DKK3: variants seen among roughly 807,000 people sequenced by gnomAD.
DKK3 encodes dickkopf Wnt signaling pathway inhibitor 3, also known as dickkopf-related protein 3.
Under a neutral mutation model 33.2 loss-of-function variants are expected in DKK3, and 22 were observed. The ratio of observed to expected loss-of-function variants is 0.66; its 90% CI spans 0.47 to 0.95. DKK3 has a LOEUF of 0.95. Ranked by LOEUF, DKK3 falls within the 40% of genes least tolerant of loss-of-function variation. The pLI is 0.00. For synonymous variants in DKK3, 194 were observed against 188.8 expected (o/e 1.03, Z -0.23); for missense variants, 398 against 458.4 (o/e 0.87, Z 1.20).
At position 12,008,498 on chromosome 11, in the gene DKK3, A is replaced by G. The variant is rs1455842319; in HGVS notation, c.85T>C (p.Ser29Pro). Reference sequence around the variant, plus strand: ...GCCGGGCCGGGCTTGACTGGAGCCGAGGTCGCCGTCGGAGCGGGCGCGGGG... The same window carrying G: ...GCCGGGCCGGGCTTGACTGGAGCCGGGGTCGCCGTCGGAGCGGGCGCGGGG... ...TAPAPAPTAT[S>P]APVKPGPALS... Residue 29 changes from serine to proline, a missense_variant, in exon 1 of 7, where the codon TCG becomes CCG. Coordinates refer to ENST00000683431, the MANE Select transcript of DKK3 (RefSeq NM_001018057.2). The surrounding 1 kb of genome is among the most constrained non-coding windows in gnomAD (Gnocchi z 4.6). 1 of 1,598,020 alleles carries G rather than the reference A, an allele frequency of 6.3e-7. No homozygotes were observed. Among genetic ancestry groups the G allele is most frequent in the South Asian group, 1.1e-5 (1 of 89,896 alleles).
At chr11:11,977,559 C>G (rs1847859438) in intron 3 of DKK3, among the ~76,000 whole-genome samples, 1 of 152,218 alleles carries the variant, frequency 6.6e-6, no homozygotes, top group African/African-American at 2.4e-5. Context: ...GGGTTGGCAG[C>G]CGTTGGGAGA....
At chr11:11,991,211 G>C (rs1156492122) in intron 3 of DKK3, among the ~76,000 whole-genome samples, 1 of 152,204 alleles carries the variant, frequency 6.6e-6, no homozygotes, top group Non-Finnish European at 1.5e-5. Context: ...AGCTAGCTCT[G>C]TTTTTCAAGG....
At position 11,991,994 on chromosome 11, in the gene DKK3, A is replaced by C. The variant is rs551542346; in HGVS notation, c.435+6702T>G. On this transcript the variant is annotated intron_variant, in intron 3 of 6. Coordinates refer to ENST00000683431, the MANE Select transcript of DKK3 (RefSeq NM_001018057.2). ...AATGACTTGTTTATTTTTTTTGTCC[A>C]CTATAGCCTGGATGCTTCTCCGATG... is the stretch of plus-strand genomic sequence containing the variant. Among the ~76,000 whole-genome samples the C allele has an allele frequency of 3.7e-4, 56 of 152,188 alleles. 1 individual carries two copies. Among genetic ancestry groups the C allele is most frequent in the Middle Eastern group, 3.4e-3 (1 of 292 alleles).
Position 12,008,546 on chromosome 11 carries a change from G to A in DKK3, c.37C>T (p.Leu13=). 1.3e-6 allele frequency: 2 copies of A among 1,543,180 alleles called. No individual in the cohort carries two copies. Among genetic ancestry groups the A allele is most frequent in the South Asian group, 1.2e-5 (1 of 85,178 alleles). Residue 13 remains leucine (L), a synonymous_variant, in exon 1 of 7, where the codon CTG becomes TTG. Coordinates refer to ENST00000683431, the MANE Select transcript of DKK3 (RefSeq NM_001018057.2). This position sits in a 1 kb window ranked among gnomAD's most constrained non-coding sequence, Gnocchi z 4.6. ...RLGATLLCLL[L]AAAVPTAPAP... is the part of the protein sequence containing the mutation. The stretch of plus-strand genomic sequence containing the variant: ...GGGGCCGTGGGGACCGCCGCCGCCA[G>A]CAGCAGGCACAGCAGGGTGGCCCCA...
rs1004727219 is a variant in DKK3, at chr11:12,008,286, G to A, written c.213+84C>T. 9 of 1,478,434 alleles carry A rather than the reference G, an allele frequency of 6.1e-6. No homozygotes were observed. In the African/African-American group the frequency reaches 9.8e-5, roughly 16 times the overall value. The allele number at this position is 1,478,434 out of a possible 1,614,324, so 91.6% of individuals were successfully genotyped here. Reference sequence around the variant, plus strand: ...CCCTGCGCGGGACCCGAGGTCCCTGGCCAGCGCTCTTCCATGCCTTCCCAG... The same window carrying A: ...CCCTGCGCGGGACCCGAGGTCCCTGACCAGCGCTCTTCCATGCCTTCCCAG... On this transcript the variant is annotated intron_variant, in intron 1 of 6. Transcript: ENST00000683431. This position sits in a 1 kb window ranked among gnomAD's most constrained non-coding sequence, Gnocchi z 4.6.
At chr11:11,979,679 G>C (rs1253716589) in intron 3 of DKK3, 2 of 152,378 alleles carry the variant, frequency 1.3e-5, no homozygotes, top group African/African-American at 4.8e-5. Flanking sequence ...CTCCCACCAA[G>C]TCATACCTCA....
upstream of DKK3, chr11:12,009,213 C>G (rs1442374373): frequency 1.0e-6 from 1 of 985,128 alleles, no homozygotes; most frequent in Non-Finnish European, 1.2e-6. Context: ...ACTGGATCTG[C>G]TCGCTCCCGC....
chr11:11,968,783 G>A (rs1470396014), intron 3 of DKK3: 7 of 290,316 alleles, frequency 2.4e-5, no homozygotes, highest in Admixed American at 1.0e-4. Flanking sequence ...GGGAGCACAG[G>A]GACTCAGGGC....
intron 4 of DKK3, 49 bp from the exon 5 acceptor site, chr11:11,967,147 G>A (rs756751989): frequency 1.3e-6 from 2 of 1,594,920 alleles, no homozygotes; most frequent in Non-Finnish European, 1.7e-6. Flanking sequence ...GGGACTGGGG[G>A]CCTGCTGAGA....
chr11:12,003,195 C>T (rs2133332954), intron 1 of DKK3, among the ~76,000 whole-genome samples: 1 of 152,266 alleles, frequency 6.6e-6, no homozygotes, highest in African/African-American at 2.4e-5. Flanking sequence ...GCTCTTAAGT[C>T]CTTGTGGCAG....
In DKK3 at chr11:12,008,394, G is replaced by T; in HGVS notation, c.189C>A (p.His63Gln). Reference sequence around the variant, plus strand: ...CCTCTTCCACCGCGCTGCGCAATTTGTGCTGCGTGTCCTCCATCAGTTCCT... The same window carrying T: ...CCTCTTCCACCGCGCTGCGCAATTTTTGCTGCGTGTCCTCCATCAGTTCCT... ...EVEELMEDTQ[H>Q]KLRSAVEEME... Residue 63 changes from histidine to glutamine, a missense_variant, in exon 1 of 7, where the codon CAC (histidine) becomes CAA (glutamine). His to Gln is a conservative substitution (Grantham distance 24). Transcript: ENST00000683431. This position sits in a 1 kb window ranked among gnomAD's most constrained non-coding sequence, Gnocchi z 4.6. 1 of 1,607,730 alleles carries T rather than the reference G, an allele frequency of 6.2e-7. No individual in the cohort carries two copies.
intron 3 of DKK3, chr11:11,979,946 T>G (rs895210963): frequency 7.2e-5 from 11 of 152,252 alleles, no homozygotes; most frequent in African/African-American, 2.7e-4. Flanking sequence ...AGCCCGCATC[T>G]GTGATTCTGA....
Position 12,000,180 on chromosome 11 carries a change from T to TTTTG in DKK3, c.352-1405_352-1402dup, listed in dbSNP as rs55683428. ...TGAAGCATTGCATAAGACTAGTGTT[T>TTTTG]TTTGTTTGTTTGTTTGTTTGTTTGT... On this transcript the variant is annotated intron_variant, in intron 2 of 6. Coordinates refer to ENST00000683431, the MANE Select transcript of DKK3 (RefSeq NM_001018057.2). Among the ~76,000 whole-genome samples, 358 of 151,404 alleles carry TTTTG rather than the reference T, an allele frequency of 2.4e-3. 2 individuals carry two copies. The highest frequency in any genetic ancestry group is 5.8e-3 in the African/African-American group (238 of 41,240).
At chr11:12,001,125 CAACCAAACCTGTTGGTT>C (rs1393006249) in intron 2 of DKK3, among the ~76,000 whole-genome samples, 4 of 152,206 alleles carry the variant, frequency 2.6e-5, no homozygotes, top group African/African-American at 7.2e-5. Context: ...CTTTAAGAAG[CAACCAAACCTGTTGGTT>C]AATTATTGTC....
chr11:11,968,482 G>A lies in DKK3; in HGVS notation c.441C>T (p.Cys147=). Residue 147 remains cysteine (C), a synonymous_variant, in exon 4 of 7, where the codon TGC becomes TGT. Coordinates refer to ENST00000683431, the MANE Select transcript of DKK3 (RefSeq NM_001018057.2). ...TGGGCCCACAGTCCTCGTCGATGAT[G>A]CACTCCTGGGGAAGGGCACAGGGAG... The part of the protein sequence containing the change: ...GDEEGRRSHE[C]IIDEDCGPSM... 1.2e-6 allele frequency: 2 copies of A among 1,612,996 alleles called. No homozygotes were observed. Among genetic ancestry groups the A allele is most frequent in the Admixed American group, 1.7e-5 (1 of 59,916 alleles).
At chr11:11,965,566 T>C (rs1047028001) in intron 6 of DKK3, among the ~76,000 whole-genome samples, 18 of 152,266 alleles carry the variant, frequency 1.2e-4, no homozygotes, top group Admixed American at 7.8e-4. Context: ...CATCCACTCA[T>C]GAAGCTTCAG....
At chr11:11,978,429 TTCTTCTTCC>T (rs939547251) in intron 3 of DKK3, among the ~76,000 whole-genome samples, 37 of 140,636 alleles carry the variant, frequency 2.6e-4, no homozygotes, top group African/African-American at 1.2e-3. Context: ...CCTCTTCCTC[TTCTTCTTCC>T]TCTTCCTCTT....
chr11:11,986,511 C>T (rs1455884768), intron 3 of DKK3, among the ~76,000 whole-genome samples: 2 of 152,130 alleles, frequency 1.3e-5, no homozygotes, highest in African/African-American at 2.4e-5. Flanking sequence ...AGAGGAAAAC[C>T]ATACAGTTGT....
At chr11:11,971,200 A>G (rs1847718702) in intron 3 of DKK3, among the ~76,000 whole-genome samples, 1 of 152,224 alleles carries the variant, frequency 6.6e-6, no homozygotes, top group Non-Finnish European at 1.5e-5. Flanking sequence ...TATATTATTT[A>G]TAATCCAGAA....
Sources: gnomAD v4.1 joint callset for allele counts (sites outside exome capture counted in the v4.1 genomes callset) on GRCh38, gnomAD v4.1.1 for gene constraint, Gnocchi (gnomAD v3.1) non-coding constraint, MANE v1.5 for transcripts, NCBI Gene and HGNC (gene_info 2026-07-23, HGNC 2026-07-21) for gene names.